The following RANBP17 variants were observed in gnomAD, a reference collection of about 807,000 sequenced individuals.
RANBP17 encodes the protein ran-binding protein 17.
In RANBP17, 158 loss-of-function variants were observed where a neutral mutation model predicts 141.2. That is an observed-to-expected ratio of 1.12 (90% CI 0.98 to 1.28). The LOEUF (loss-of-function observed/expected upper bound fraction) is 1.28, where lower values mean the gene tolerates loss of function less well. RANBP17 is among the 50% of genes most tolerant of loss of function. The pLI is 0.00. For missense variants in RANBP17, 1,438 were observed against 1,290.7 expected (o/e 1.11, Z -1.75); for synonymous variants, 430 against 450.0 (o/e 0.96, Z 0.56).
intron 14 of RANBP17, among the ~76,000 whole-genome samples, chr5:171,040,590 A>T (rs908296008): frequency 2.0e-4 from 30 of 152,118 alleles, no homozygotes; most frequent in Non-Finnish European, 3.5e-4. Flanking sequence ...TTAATCCTGT[A>T]GAAGGGGTCC....
intron 24 of RANBP17, among the ~76,000 whole-genome samples, chr5:171,249,059 C>A (rs147957780): frequency 6.6e-6 from 1 of 152,144 alleles, no homozygotes; most frequent in Non-Finnish European, 1.5e-5. Context: ...CACCACTGGG[C>A]CTGAAGACTG....
At chr5:171,131,169 T>C (rs376862696) in intron 14 of RANBP17, among the ~76,000 whole-genome samples, 2 of 152,332 alleles carry the variant, frequency 1.3e-5, no homozygotes, top group Non-Finnish European at 2.9e-5. Flanking sequence ...AAGGCTGTTA[T>C]AAGGATTAGA....
At chr5:171,209,420 T>C (rs985066913) in intron 20 of RANBP17, among the ~76,000 whole-genome samples, 1 of 152,194 alleles carries the variant, frequency 6.6e-6, no homozygotes, top group Non-Finnish European at 1.5e-5. Flanking sequence ...AGAAAGTAAT[T>C]GGCAGTATCA....
intron 12 of RANBP17, among the ~76,000 whole-genome samples, chr5:170,934,849 C>T (rs1160939236): frequency 2.0e-5 from 3 of 152,240 alleles, no homozygotes; most frequent in South Asian, 2.1e-4. Context: ...TGAATGTTGG[C>T]CTGCCTTGCT....
At chr5:171,251,773 C>T in intron 24 of RANBP17, 1 of 1,049,872 alleles carries the variant, frequency 9.5e-7, no homozygotes, top group Non-Finnish European at 1.5e-6. Flanking sequence ...CCGCGCCCGC[C>T]CCCGCCTCTG....
chr5:170,951,940 A>C (rs1401381233), intron 12 of RANBP17, among the ~76,000 whole-genome samples: 1 of 152,062 alleles, frequency 6.6e-6, no homozygotes, highest in Non-Finnish European at 1.5e-5. Context: ...AGATAATTGC[A>C]ATAAGAAGGG....
intron 14 of RANBP17, among the ~76,000 whole-genome samples, chr5:171,104,797 A>G (rs965874704): frequency 1.2e-4 from 19 of 152,344 alleles, no homozygotes; most frequent in East Asian, 7.7e-4. Context: ...GCTTAGCTCA[A>G]TAACTCGCAT....
At chr5:170,950,392 A>C (rs924835500) in intron 12 of RANBP17, among the ~76,000 whole-genome samples, 1 of 152,008 alleles carries the variant, frequency 6.6e-6, no homozygotes, top group Non-Finnish European at 1.5e-5. Context: ...CAAAAACAAA[A>C]AAAAAATAAC....
chr5:170,992,894 C>G lies in RANBP17; in HGVS notation c.1710+24517C>G, dbSNP rs186164660. ...AAATGCAAATTCTCGAGCCCTGCTCCACATCTTCTGAATTAGAAGCTCTGA... is the reference window on the plus strand; with the variant it reads ...AAATGCAAATTCTCGAGCCCTGCTCGACATCTTCTGAATTAGAAGCTCTGA... On this transcript the variant is annotated intron_variant, in intron 14 of 27. Coordinates refer to ENST00000523189, the MANE Select transcript of RANBP17 (RefSeq NM_022897.5). Among the ~76,000 whole-genome samples, 202 of 152,224 alleles carry G rather than the reference C, an allele frequency of 1.3e-3. 1 individual carries two copies. The highest frequency in any genetic ancestry group is 4.7e-3 in the African/African-American group (194 of 41,552).
rs1178530230 is a variant in RANBP17, at chr5:171,205,538, G to A, written c.2157G>A (p.Gly719=). Residue 719 remains glycine, a synonymous_variant, in exon 20 of 28, where the codon GGG becomes GGA. Transcript: ENST00000523189. ...CCCACTGACAGCGTATGTTGATCGGGCTGGCAAGAGATCTTCGAGGGATTG... is the reference window on the plus strand; with the variant it reads ...CCCACTGACAGCGTATGTTGATCGGACTGGCAAGAGATCTTCGAGGGATTG... ...KQEDVKRMLI[G]LARDLRGIAF... is the part of the protein sequence containing the mutation. The A allele has an allele frequency of 6.2e-7, 1 of 1,613,828 alleles. No individual in the cohort carries two copies. The highest frequency in any genetic ancestry group is 1.1e-5 in the South Asian group (1 of 91,076).
rs1306449641 is a variant in RANBP17 at position 170,953,611 on chromosome 5, C to G, written c.1483C>G (p.Leu495Val). 4 of 1,608,210 alleles carry G rather than the reference C, an allele frequency of 2.5e-6. No individual in the cohort carries two copies. Among genetic ancestry groups the G allele is most frequent in the Admixed American group, 1.7e-5 (1 of 59,752 alleles). The change falls in exon 13 of 28, where the codon CTG becomes GTG. Residue 495 changes from leucine (L) to valine (V), a missense_variant. By Grantham distance (32) the Leu-to-Val change is conservative. Transcript: ENST00000523189. ...ITIQEGRLAWLVYLVGTVVGG... is the reference protein window; with the variant it reads ...ITIQEGRLAWVVYLVGTVVGG... ...TTCTATATTAGGACGTCTTGCATGG[C>G]TGGTATACTTAGTTGGGACAGTTGT...
rs1393012157 is a variant in RANBP17, at chr5:170,862,060, G to T, written c.18+9G>T. On this transcript the variant is annotated intron_variant, in intron 1 of 27. Coordinates refer to ENST00000523189, the MANE Select transcript of RANBP17 (RefSeq NM_022897.5). ...TGGCGCTGCACTTCCAGGTCAGTGT[G>T]CTCTGCGCCGCGGGCCCGCGCTCCG... 5.5e-6 allele frequency: 8 copies of T among 1,454,562 alleles called. No individual in the cohort carries two copies. Among genetic ancestry groups the T allele is most frequent in the Non-Finnish European group, 6.3e-6 (7 of 1,110,108 alleles). 90.1% of individuals were successfully genotyped at this position (1,454,562 alleles called of 1,614,324 possible). A position where few individuals can be genotyped will look rare whatever the true frequency, so the allele number is the denominator to read the frequency against.
intron 14 of RANBP17, among the ~76,000 whole-genome samples, chr5:171,013,791 C>CA (rs954801828): frequency 6.6e-6 from 1 of 151,994 alleles, no homozygotes; most frequent in Non-Finnish European, 1.5e-5. Context: ...TGCATTTCTA[C>CA]AAAAAATAGA....
intron 24 of RANBP17, chr5:171,252,757 C>CTTGCTTCA: frequency 4.4e-6 from 6 of 1,358,668 alleles, no homozygotes; most frequent in Non-Finnish European, 6.3e-6. Flanking sequence ...TATTTGTAGA[C>CTTGCTTCA]TTGCTTCATA....
intron 5 of RANBP17, among the ~76,000 whole-genome samples, chr5:170,897,531 G>C (rs1160643006): frequency 6.6e-6 from 1 of 151,920 alleles, no homozygotes; most frequent in Non-Finnish European, 1.5e-5. Flanking sequence ...ATCTACATTA[G>C]GTATTTCCCC....
intron 14 of RANBP17, among the ~76,000 whole-genome samples, chr5:171,071,301 C>T (rs906776741): frequency 1.3e-5 from 2 of 151,932 alleles, no homozygotes; most frequent in Non-Finnish European, 2.9e-5. Flanking sequence ...CATATATATT[C>T]AGTGTAATCA....
intron 14 of RANBP17, among the ~76,000 whole-genome samples, chr5:171,086,277 C>T (rs1284244286): frequency 5.5e-5 from 8 of 144,268 alleles, no homozygotes; most frequent in East Asian, 2.1e-4. Flanking sequence ...TATTGATTTG[C>T]GTATATTGAA....
At chr5:170,998,032 A>G (rs557160017) in intron 14 of RANBP17, among the ~76,000 whole-genome samples, 1 of 151,664 alleles carries the variant, frequency 6.6e-6, no homozygotes, top group African/African-American at 2.4e-5. Context: ...GGCGGATCAC[A>G]TGAGGCCAGG....
At chr5:171,034,796 A>G (rs924649179) in intron 14 of RANBP17, among the ~76,000 whole-genome samples, 8 of 152,166 alleles carry the variant, frequency 5.3e-5, no homozygotes, top group Non-Finnish European at 1.2e-4. Flanking sequence ...AAGAGAGAAG[A>G]TGAATAAATT....
Sources: gnomAD v4.1 joint callset for allele counts (sites outside exome capture counted in the v4.1 genomes callset) on GRCh38, gnomAD v4.1.1 for gene constraint, MANE v1.5 for transcripts, NCBI Gene and HGNC (gene_info 2026-07-23, HGNC 2026-07-21) for gene names.